Variants in NELL1 observed in about 807,000 individuals in gnomAD.
The protein encoded by NELL1 is neural EGFL like 1.
In NELL1, 76 loss-of-function variants were observed where a neutral mutation model predicts 107.4. The ratio of observed to expected loss-of-function variants is 0.71; its 90% CI spans 0.59 to 0.86. The LOEUF (loss-of-function observed/expected upper bound fraction) is 0.86, where lower values mean the gene tolerates loss of function less well. NELL1 is among the 40% of genes least tolerant of loss of function. The pLI is 0.00. For missense variants in NELL1, 1,024 were observed against 1,005.5 expected, an observed-to-expected ratio of 1.02 and a Z score of -0.25; for synonymous variants, 353 against 341.2, an observed-to-expected ratio of 1.03 and a Z score of -0.38.
chr11:21,511,363 G>A (rs1431780639), intron 15 of NELL1, among the ~76,000 whole-genome samples: 1 of 152,112 alleles, frequency 6.6e-6, no homozygotes, highest in African/African-American at 2.4e-5. Flanking sequence ...GCCTCAGCAA[G>A]GGGTAAGTAA....
intron 16 of NELL1, among the ~76,000 whole-genome samples, chr11:21,551,336 A>C (rs1022780154): frequency 2.0e-5 from 3 of 151,880 alleles, no homozygotes; most frequent in African/African-American, 7.2e-5. Flanking sequence ...CCTTTATTTC[A>C]TTCTCCTGCC....
At chr11:21,343,253 A>G (rs1424245374) in intron 14 of NELL1, among the ~76,000 whole-genome samples, 1 of 151,758 alleles carries the variant, frequency 6.6e-6, no homozygotes, top group African/African-American at 2.4e-5. Context: ...CTTAAGACTT[A>G]TATAATTCAG....
chr11:20,721,179 G>GTATATATATATATATATATA (rs1368182153), intron 2 of NELL1, among the ~76,000 whole-genome samples: 19 of 31,938 alleles, frequency 5.9e-4, no homozygotes, highest in Admixed American at 9.3e-4. Context: ...TATATATTTT[G>GTATATATATATATATATATA]TGTATATATA....
chr11:20,702,203 C>T (rs937798063), intron 2 of NELL1, among the ~76,000 whole-genome samples: 15 of 151,950 alleles, frequency 9.9e-5, no homozygotes, highest in African/African-American at 2.2e-4. Flanking sequence ...GGTTTGTAGT[C>T]CTCCTTGAAG....
chr11:21,084,394 G>A (rs1268306229), intron 12 of NELL1, among the ~76,000 whole-genome samples: 1 of 152,164 alleles, frequency 6.6e-6, no homozygotes, highest in Admixed American at 6.5e-5. Flanking sequence ...TACTGCATAT[G>A]ATTGCTGATA....
intron 14 of NELL1, among the ~76,000 whole-genome samples, chr11:21,368,991 C>T (rs902622946): frequency 4.6e-5 from 7 of 152,020 alleles, no homozygotes; most frequent in African/African-American, 1.4e-4. Context: ...CCTCATAAAA[C>T]CCTCCACTGT....
intron 13 of NELL1, among the ~76,000 whole-genome samples, chr11:21,200,627 A>G (rs917076034): frequency 6.6e-6 from 1 of 152,002 alleles, no homozygotes; most frequent in Non-Finnish European, 1.5e-5. Flanking sequence ...TGCAGAAGCA[A>G]TTTAGTTTAA....
chr11:21,565,042 G>A (rs112811010), intron 17 of NELL1, among the ~76,000 whole-genome samples: 19 of 152,030 alleles, frequency 1.2e-4, no homozygotes, highest in African/African-American at 4.6e-4. Flanking sequence ...GAACAGTCTG[G>A]TCTGTGCCTG....
intron 14 of NELL1, among the ~76,000 whole-genome samples, chr11:21,364,060 T>C (rs1264870611): frequency 2.0e-5 from 3 of 152,126 alleles, no homozygotes; most frequent in African/African-American, 7.2e-5. Flanking sequence ...CATTTTCTTA[T>C]ATAAATATTT....
At chr11:20,863,937 C>T (rs2134078289) in intron 4 of NELL1, among the ~76,000 whole-genome samples, 1 of 152,330 alleles carries the variant, frequency 6.6e-6, no homozygotes, top group South Asian at 2.1e-4. Flanking sequence ...GAAACCCCGT[C>T]TCCACCAAAA....
At chr11:21,083,119 A>C (rs1040955324) in intron 12 of NELL1, among the ~76,000 whole-genome samples, 1 of 152,242 alleles carries the variant, frequency 6.6e-6, no homozygotes, top group Admixed American at 6.5e-5. Flanking sequence ...AGTAGAGAGA[A>C]AGGAGCAAGT....
At chr11:20,791,644 C>G (rs1396213592) in intron 3 of NELL1, among the ~76,000 whole-genome samples, 1 of 151,146 alleles carries the variant, frequency 6.6e-6, no homozygotes, top group Non-Finnish European at 1.5e-5. Flanking sequence ...TGTATTGTTT[C>G]TGATTTTAAA....
intron 2 of NELL1, among the ~76,000 whole-genome samples, chr11:20,781,631 G>A (rs1042516077): frequency 6.6e-6 from 1 of 152,124 alleles, no homozygotes; most frequent in African/African-American, 2.4e-5. Flanking sequence ...TCTAATTGAT[G>A]AGTAAAGAAG....
chr11:21,085,578 G>A (rs184547748), intron 12 of NELL1, among the ~76,000 whole-genome samples: 13 of 152,232 alleles, frequency 8.5e-5, no homozygotes, highest in African/African-American at 2.4e-4. Flanking sequence ...CAACGTTACA[G>A]TGAACCATGA....
intron 16 of NELL1, among the ~76,000 whole-genome samples, chr11:21,546,725 C>A (rs1223937634): frequency 3.3e-5 from 5 of 151,978 alleles, no homozygotes; most frequent in African/African-American, 9.7e-5. Flanking sequence ...GTAAATTACG[C>A]AGTTTCAGGT....
intron 15 of NELL1, among the ~76,000 whole-genome samples, chr11:21,455,894 T>G (rs978178585): frequency 1.8e-4 from 27 of 151,524 alleles, no homozygotes; most frequent in Middle Eastern, 3.2e-3. Flanking sequence ...TTTTTAAGTT[T>G]TGTTTTGTTT....
At chr11:21,483,648 T>C (rs1014823883) in intron 15 of NELL1, among the ~76,000 whole-genome samples, 2 of 151,904 alleles carry the variant, frequency 1.3e-5, no homozygotes, top group African/African-American at 4.8e-5. Flanking sequence ...TTAAAGAGGA[T>C]GCCTAGAAAA....
chr11:21,386,596 G>C lies in NELL1; in HGVS notation c.1645+15648G>C, dbSNP rs560462262. ...CTGATTGGAATGGTTAAAGAACTGC[G>C]GACTGCACTATTAAGCACTTTTAAA... On this transcript the variant is annotated intron_variant, in intron 15 of 19. Coordinates refer to ENST00000357134, the MANE Select transcript of NELL1 (RefSeq NM_006157.5). Among the ~76,000 whole-genome samples the C allele has an allele frequency of 1.6e-4, 24 of 151,842 alleles. No individual in the cohort carries two copies. In the South Asian group the frequency reaches 5.0e-3, roughly 32 times the overall value.
At chr11:20,800,828 T>C (rs1590307069) in intron 3 of NELL1, among the ~76,000 whole-genome samples, 2 of 152,186 alleles carry the variant, frequency 1.3e-5, no homozygotes, top group South Asian at 4.2e-4. Flanking sequence ...ATATTGAGAG[T>C]GATAGGCATC....
Sources: gnomAD v4.1 joint callset for allele counts (sites outside exome capture counted in the v4.1 genomes callset) on GRCh38, gnomAD v4.1.1 for gene constraint, MANE v1.5 for transcripts, NCBI Gene and HGNC (gene_info 2026-07-23, HGNC 2026-07-21) for gene names.